SLC25A27: variants seen among roughly 807,000 people sequenced by gnomAD.
SLC25A27 encodes the protein solute carrier family 25 member 27, also known as mitochondrial uncoupling protein 4.
SLC25A27 carries 35 observed loss-of-function variants against 49.1 expected under a neutral mutation model. The observed-to-expected ratio is 0.71, with a 90% CI of 0.54 to 0.95. The LOEUF (loss-of-function observed/expected upper bound fraction) is 0.95, where lower values mean the gene tolerates loss of function less well. Among genes scored for constraint, SLC25A27 ranks in the 40% least tolerant of loss-of-function variants. The pLI is 0.00. For synonymous variants in SLC25A27, 144 were observed against 136.9 expected (o/e 1.05, Z -0.36); for missense variants, 339 against 397.1 (o/e 0.85, Z 1.24).
chr6:46,658,955 T>C lies in SLC25A27; in HGVS notation c.299-7T>C, dbSNP rs1383885252. 1 of 1,605,742 alleles carries C rather than the reference T, an allele frequency of 6.2e-7. No individual in the cohort carries two copies. Among genetic ancestry groups the C allele is most frequent in the South Asian group, 1.1e-5 (1 of 90,906 alleles). ...AAGTTACCTTTTTAATGATCTTTTT[T>C]ACCCAGTGTATTCTGGAGGTCGAAT... On this transcript the variant is annotated splice_polypyrimidine_tract_variant and splice_region_variant and intron_variant, in intron 2 of 8. Transcript: ENST00000371347.
intron 5 of SLC25A27, among the ~76,000 whole-genome samples, chr6:46,666,914 C>T (rs1763343658): frequency 6.6e-6 from 1 of 152,088 alleles, no homozygotes; most frequent in South Asian, 2.1e-4. Flanking sequence ...CAAATCCAGT[C>T]GTTCCATCTT....
intron 8 of SLC25A27, among the ~76,000 whole-genome samples, chr6:46,674,973 C>T (rs1369332692): frequency 6.6e-6 from 1 of 152,178 alleles, no homozygotes; most frequent in Non-Finnish European, 1.5e-5. Context: ...TTCATATACA[C>T]TGGATTATTT....
At chr6:46,674,186 T>C (rs1279041896) in intron 8 of SLC25A27, among the ~76,000 whole-genome samples, 1 of 151,070 alleles carries the variant, frequency 6.6e-6, no homozygotes, top group Admixed American at 6.6e-5. Flanking sequence ...ACTCAGGAAG[T>C]ATAAATAAGG....
At chr6:46,674,596 G>A (rs1763690601) in intron 8 of SLC25A27, among the ~76,000 whole-genome samples, 1 of 152,130 alleles carries the variant, frequency 6.6e-6, no homozygotes, top group Admixed American at 6.6e-5. Flanking sequence ...CCTAATTCAT[G>A]AGCATTTCCA....
At chr6:46,658,935 A>G in intron 2 of SLC25A27, 27 bp from the exon 3 acceptor site, 1 of 1,519,992 alleles carries the variant, frequency 6.6e-7, no homozygotes, top group Non-Finnish European at 9.1e-7. Flanking sequence ...AGCCAAAGTT[A>G]CCTTTTTAAT....
intron 5 of SLC25A27, among the ~76,000 whole-genome samples, chr6:46,666,895 A>G (rs1763343065): frequency 1.3e-5 from 2 of 152,090 alleles, no homozygotes; most frequent in Non-Finnish European, 2.9e-5. Context: ...CTTATATCCA[A>G]GCAGTCACCA....
Position 46,658,085 on chromosome 6 carries a change from C to A in SLC25A27, c.299-877C>A, listed in dbSNP as rs76107309. On this transcript the variant is annotated intron_variant, in intron 2 of 8. Transcript: ENST00000371347. ...AATGTTTCCTGAAGCATGAAAGGAT[C>A]CTTGATCAGAAGAGTGCTCAGTTCT... Among the ~76,000 whole-genome samples the A allele has an allele frequency of 3.0e-3, 460 of 152,300 alleles. 5 individuals are homozygous for A. The highest frequency in any genetic ancestry group is 0.013 in the Admixed American group (204 of 15,302).
At chr6:46,662,343 G>A in intron 3 of SLC25A27, 33 bp from the exon 4 acceptor site, 1 of 1,607,316 alleles carries the variant, frequency 6.2e-7, no homozygotes. Context: ...GAAATTAATG[G>A]CAACTTTAAA....
At chr6:46,668,649 T>C in intron 5 of SLC25A27, 60 bp from the exon 6 acceptor site, 1 of 972,386 alleles carries the variant, frequency 1.0e-6, no homozygotes, top group Non-Finnish European at 1.7e-6. Context: ...CCTAGCATAT[T>C]CTTGACACAA....
At chr6:46,656,291 C>T (rs983822081) in intron 2 of SLC25A27, among the ~76,000 whole-genome samples, 1 of 151,876 alleles carries the variant, frequency 6.6e-6, no homozygotes, top group Non-Finnish European at 1.5e-5. Context: ...AGCGATTCTC[C>T]TGACTCAGCC....
Position 46,676,498 on chromosome 6 carries a change from T to C in SLC25A27, c.*44T>C. 1.2e-6 allele frequency: 2 copies of C among 1,612,334 alleles called. No individual in the cohort carries two copies. Among genetic ancestry groups the C allele is most frequent in the Non-Finnish European group, 1.7e-6 (2 of 1,178,814 alleles). On this transcript the variant is annotated 3_prime_UTR_variant, in exon 9 of 9. Transcript: ENST00000371347. ...CTTAAAGATACAGTGTTCAGTATTA[T>C]TGAAATATGGGCATCTGCAACACAT...
At chr6:46,671,538 C>T (rs1321427778) in intron 8 of SLC25A27, among the ~76,000 whole-genome samples, 2 of 151,640 alleles carry the variant, frequency 1.3e-5, no homozygotes, top group Non-Finnish European at 2.9e-5. Context: ...TATTTTAATA[C>T]AATATTTTAG....
intron 5 of SLC25A27, among the ~76,000 whole-genome samples, chr6:46,665,887 G>A (rs773392075): frequency 7.9e-5 from 12 of 152,082 alleles, no homozygotes; most frequent in Non-Finnish European, 1.3e-4. Context: ...CACATTATTG[G>A]TGTCCCTAAA....
At chr6:46,672,969 T>C (rs1478238539) in intron 8 of SLC25A27, among the ~76,000 whole-genome samples, 3 of 152,202 alleles carry the variant, frequency 2.0e-5, no homozygotes, top group African/African-American at 7.2e-5. Context: ...GAGTTTGAGA[T>C]GTTATTTTGG....
chr6:46,665,581 G>A (rs963595296), intron 5 of SLC25A27, among the ~76,000 whole-genome samples: 3 of 152,130 alleles, frequency 2.0e-5, no homozygotes, highest in African/African-American at 4.8e-5. Flanking sequence ...AGCTACTCGG[G>A]AGGCTGAGGC....
At chr6:46,665,881 T>C (rs1444979456) in intron 5 of SLC25A27, among the ~76,000 whole-genome samples, 2 of 152,164 alleles carry the variant, frequency 1.3e-5, no homozygotes, top group Non-Finnish European at 2.9e-5. Context: ...TATTAACACA[T>C]TATTGGTGTC....
chr6:46,659,081 C>A, intron 3 of SLC25A27, 35 bp downstream of exon 3: 2 of 1,353,064 alleles, frequency 1.5e-6, no homozygotes, highest in Non-Finnish European at 2.1e-6. Context: ...TGCTGTTGCC[C>A]CAAATGCCTT....
At position 46,668,356 on chromosome 6, in the gene SLC25A27, G is replaced by A. The variant is rs547036695; in HGVS notation, c.620-353G>A. The stretch of plus-strand genomic sequence containing the variant: ...CTTGAAAATGTATAAAATGCTTAAT[G>A]TAGAATAATAGTCAGGACCTTTTAT... On this transcript the variant is annotated intron_variant, in intron 5 of 8. Coordinates refer to ENST00000371347, the MANE Select transcript of SLC25A27 (RefSeq NM_004277.5). 9.2e-5 allele frequency among the ~76,000 whole-genome samples: 14 copies of A among 152,270 alleles called. No individual in the cohort carries two copies. The South Asian group carries it at 2.5e-3, about 27-fold the overall frequency.
rs953542851 is a variant in SLC25A27, at chr6:46,658,943, A to T, written c.299-19A>T. ...TACATATAGCCAAAGTTACCTTTTT[A>T]ATGATCTTTTTTACCCAGTGTATTC... is the stretch of plus-strand genomic sequence containing the variant. On this transcript the variant is annotated intron_variant, in intron 2 of 8. Coordinates refer to ENST00000371347, the MANE Select transcript of SLC25A27 (RefSeq NM_004277.5). 1 of 1,578,046 alleles carries T rather than the reference A, an allele frequency of 6.3e-7. No individual in the cohort carries two copies. The highest frequency in any genetic ancestry group is 8.7e-7 in the Non-Finnish European group (1 of 1,147,182).
Sources: allele counts gnomAD v4.1 joint callset (sites outside exome capture counted in the v4.1 genomes callset), GRCh38; gene constraint gnomAD v4.1.1; transcripts MANE v1.5; gene names NCBI Gene and HGNC (gene_info 2026-07-23, HGNC 2026-07-21).